The following ZNF536 variants were observed in gnomAD, a reference collection of about 807,000 sequenced individuals.
ZNF536 encodes zinc finger protein 536.
A neutral mutation model predicts 84.5 loss-of-function variants in ZNF536; 13 were observed. That is an observed-to-expected ratio of 0.15 (90% CI 0.10 to 0.24). The LOEUF is 0.24. Among genes scored for constraint, ZNF536 ranks in the 10% least tolerant of loss-of-function variants. The pLI, the probability that ZNF536 is intolerant of heterozygous loss-of-function variation, is 1.00. For synonymous variants in ZNF536, 811 were observed against 742.5 expected (o/e 1.09, Z -1.50); for missense variants, 1,536 against 1,747.5 (o/e 0.88, Z 2.16).
intron 1 of ZNF536, among the ~76,000 whole-genome samples, chr19:30,244,011 A>G (rs564106726): frequency 2.0e-4 from 31 of 152,334 alleles, no homozygotes; most frequent in Admixed American, 1.8e-3. Context: ...GTGTGTGTAT[A>G]CACTCTTAAA....
chr19:30,430,091 CT>C (rs2051386686), intron 1 of ZNF536, among the ~76,000 whole-genome samples: 1 of 152,014 alleles, frequency 6.6e-6, no homozygotes, highest in Non-Finnish European at 1.5e-5. Context: ...CTGTTCTCTT[CT>C]AAGTTTTCTG....
chr19:30,313,535 C>T (rs1483978087), intron 2 of ZNF536, among the ~76,000 whole-genome samples: 2 of 152,132 alleles, frequency 1.3e-5, no homozygotes, highest in Non-Finnish European at 1.5e-5. Flanking sequence ...AGCAAAACCC[C>T]AAGCTCTGCT....
chr19:30,411,166 C>T (rs2050480572), intron 1 of ZNF536, among the ~76,000 whole-genome samples: 1 of 152,118 alleles, frequency 6.6e-6, no homozygotes, highest in East Asian at 1.9e-4. Context: ...CTCCAAGTGG[C>T]ATTGTTAGGT....
intron 3 of ZNF536, among the ~76,000 whole-genome samples, chr19:30,355,705 A>C (rs1299104662): frequency 6.6e-6 from 1 of 152,020 alleles, no homozygotes; most frequent in Non-Finnish European, 1.5e-5. Context: ...GCAGGAGCTG[A>C]GCTGCAGGTG....
chr19:30,475,300 G>C (rs1461494652), intron 2 of ZNF536, among the ~76,000 whole-genome samples: 1 of 152,054 alleles, frequency 6.6e-6, no homozygotes, highest in Non-Finnish European at 1.5e-5. Context: ...TCTTAGCCCT[G>C]TTCCTGTCCG....
At chr19:30,429,975 TG>T (rs2051378874) in intron 1 of ZNF536, among the ~76,000 whole-genome samples, 1 of 141,312 alleles carries the variant, frequency 7.1e-6, no homozygotes, top group African/African-American at 2.7e-5. Flanking sequence ...GGGTACAGGG[TG>T]GTGAGGCACG....
intron 2 of ZNF536, among the ~76,000 whole-genome samples, chr19:30,348,314 T>C (rs56136745): frequency 0.01 from 1,590 of 152,316 alleles, 13 homozygotes; most frequent in Non-Finnish European, 0.016. Flanking sequence ...ATCTTTCATA[T>C]GATTGGATGC....
intron 2 of ZNF536, among the ~76,000 whole-genome samples, chr19:30,339,042 C>T (rs538549009): frequency 6.6e-6 from 1 of 152,262 alleles, no homozygotes; most frequent in Non-Finnish European, 1.5e-5. Context: ...TGTAAAGTTC[C>T]GTAGCTAAGT....
intron 1 of ZNF536, among the ~76,000 whole-genome samples, chr19:30,413,005 T>C (rs528774852): frequency 3.7e-4 from 56 of 152,022 alleles, no homozygotes; most frequent in Non-Finnish European, 6.8e-4. Context: ...TCAAATTTAA[T>C]GGTATAAAGT....
At chr19:30,503,894 GTCTT>G (rs142328524) in intron 2 of ZNF536, among the ~76,000 whole-genome samples, 14,410 of 150,440 alleles carry the variant, frequency 0.096, 929 homozygotes, top group Non-Finnish European at 0.15. Flanking sequence ...TTTGGGGTTT[GTCTT>G]TCTTTCTTTC....
chr19:30,675,156 C>A (rs541068567), intron 1 of ZNF536, among the ~76,000 whole-genome samples: 1 of 152,310 alleles, frequency 6.6e-6, no homozygotes, highest in East Asian at 1.9e-4. Flanking sequence ...CCGTTTGCCG[C>A]ACCTCTAAGG....
At chr19:30,298,596 G>A (rs970865126) in intron 2 of ZNF536, among the ~76,000 whole-genome samples, 10 of 152,184 alleles carry the variant, frequency 6.6e-5, no homozygotes, top group African/African-American at 2.4e-4. Flanking sequence ...AACTTTTTTG[G>A]TATCTAGGAG....
chr19:30,388,673 G>A (rs2049450019), intron 1 of ZNF536, among the ~76,000 whole-genome samples: 1 of 152,240 alleles, frequency 6.6e-6, no homozygotes, highest in East Asian at 1.9e-4. Flanking sequence ...TGCATGCCAA[G>A]GCTGTTGGGA....
intron 1 of ZNF536, among the ~76,000 whole-genome samples, chr19:30,595,996 C>T (rs960882651): frequency 1.3e-5 from 2 of 152,108 alleles, no homozygotes; most frequent in African/African-American, 4.8e-5. Flanking sequence ...CCCATGGACC[C>T]CTCACTTTAA....
At chr19:30,705,687 A>T (rs1343497284) in intron 1 of ZNF536, among the ~76,000 whole-genome samples, 1 of 152,206 alleles carries the variant, frequency 6.6e-6, no homozygotes, top group African/African-American at 2.4e-5. Flanking sequence ...TATCAGTATT[A>T]TCTACAAAGC....
At chr19:30,691,466 C>T (rs1476933069) in intron 1 of ZNF536, among the ~76,000 whole-genome samples, 2 of 151,768 alleles carry the variant, frequency 1.3e-5, no homozygotes, top group African/African-American at 4.8e-5. Context: ...ACCAAAAGGA[C>T]ATCAAAGGGG....
intron 1 of ZNF536, among the ~76,000 whole-genome samples, chr19:30,685,339 C>T (rs1393610377): frequency 6.6e-6 from 1 of 152,118 alleles, no homozygotes; most frequent in Non-Finnish European, 1.5e-5. Flanking sequence ...TGGAGAGACT[C>T]TTTCTGGATA....
chr19:30,326,980 A>G (rs1270756351), intron 2 of ZNF536, among the ~76,000 whole-genome samples: 1 of 150,768 alleles, frequency 6.6e-6, no homozygotes, highest in East Asian at 2.0e-4. Context: ...AATGGCACAC[A>G]CCTATAGTCC....
chr19:30,290,813 A>G (rs1391214268), intron 2 of ZNF536, among the ~76,000 whole-genome samples: 1 of 152,276 alleles, frequency 6.6e-6, no homozygotes, highest in African/African-American at 2.4e-5. Flanking sequence ...TGTATTAGGT[A>G]TTTGTCCTAA....
Sources: gnomAD v4.1 joint callset for allele counts (sites outside exome capture counted in the v4.1 genomes callset) on GRCh38, gnomAD v4.1.1 for gene constraint, MANE v1.5 for transcripts, NCBI Gene and HGNC (gene_info 2026-07-23, HGNC 2026-07-21) for gene names.